LARGE1: variants seen among roughly 807,000 people sequenced by gnomAD.
LARGE1 encodes LARGE xylosyl- and glucuronyltransferase 1, also known as xylosyl- and glucuronyltransferase LARGE1.
Under a neutral mutation model 87.6 loss-of-function variants are expected in LARGE1, and 43 were observed. The observed-to-expected ratio is 0.49, with a 90% CI of 0.38 to 0.63. The LOEUF (loss-of-function observed/expected upper bound fraction) is 0.63, where lower values mean the gene tolerates loss of function less well. Among genes scored for constraint, LARGE1 ranks in the 30% least tolerant of loss-of-function variants. The probability of loss-of-function intolerance (pLI) is 0.00; values close to 1 mark genes in which losing one functional copy is unlikely to be tolerated. For synonymous variants in LARGE1, 434 were observed against 394.6 expected (o/e 1.10, Z -1.18); for missense variants, 802 against 1,000.2 (o/e 0.80, Z 2.67).
intron 10 of LARGE1, among the ~76,000 whole-genome samples, chr22:33,335,685 C>A (rs1338808758): frequency 6.6e-6 from 1 of 152,238 alleles, no homozygotes; most frequent in Non-Finnish European, 1.5e-5. Context: ...CCTAGGCACA[C>A]TGGCCATCCT....
chr22:33,130,313 C>CAAAAAAAAAAAAAAAAA, the LARGE1 span, among the ~76,000 whole-genome samples: 245 of 56,968 alleles, frequency 4.3e-3, 8 homozygotes, highest in South Asian at 0.011. Flanking sequence ...GATTCCGTCT[C>CAAAAAAAAAAAAAAAAA]AAAAAAAAAA....
chr22:33,186,510 G>A (rs914499948), intron 11 of LARGE1, among the ~76,000 whole-genome samples: 4 of 152,002 alleles, frequency 2.6e-5, no homozygotes, highest in Non-Finnish European at 4.4e-5. Flanking sequence ...TGAAAAAAAA[G>A]TCACATGCAA....
chr22:33,250,868 T>C (rs768338499), intron 11 of LARGE1, among the ~76,000 whole-genome samples: 2 of 152,222 alleles, frequency 1.3e-5, no homozygotes, highest in African/African-American at 2.4e-5. Flanking sequence ...GGTGTACAAT[T>C]CTTTTTATGC....
At chr22:33,910,208 C>T (rs965045157) in intron 1 of LARGE1, among the ~76,000 whole-genome samples, 4 of 152,154 alleles carry the variant, frequency 2.6e-5, no homozygotes, top group African/African-American at 7.2e-5. Flanking sequence ...GGACAGGAAG[C>T]TCTGAATTTA....
chr22:33,226,740 T>A (rs1056847169), intron 11 of LARGE1, among the ~76,000 whole-genome samples: 96 of 151,698 alleles, frequency 6.3e-4, no homozygotes, highest in African/African-American at 2.0e-3. Context: ...ATTATTATTT[T>A]TTTTTTTGAG....
intron 3 of LARGE1, among the ~76,000 whole-genome samples, chr22:33,628,087 T>C (rs752349969): frequency 6.6e-6 from 1 of 152,118 alleles, no homozygotes. Flanking sequence ...TCTGCTCTTA[T>C]ACCTGCTCCC....
chr22:33,376,131 T>C (rs2064985683), intron 9 of LARGE1, among the ~76,000 whole-genome samples: 1 of 152,182 alleles, frequency 6.6e-6, no homozygotes. Flanking sequence ...ACTCACTGCA[T>C]GCCCATCAAT....
Position 33,650,402 on chromosome 22 carries a change from C to T in LARGE1, c.373G>A (p.Glu125Lys), listed in dbSNP as rs750745711. ...RAGIVAGNSS[E>K]CGQQPVVEKC... ...TCCACGACCGGCTGCTGCCCACACT[C>T]GGAGCTGTTGCCTGCCACGATGCCA... is the stretch of plus-strand genomic sequence containing the variant. Residue 125 changes from glutamate (E) to lysine (K), a missense_variant, in exon 3 of 15, where the codon GAG (glutamate) becomes AAG (lysine). Glu to Lys is a moderately conservative substitution (Grantham distance 56, BLOSUM62 1). This residue lies in a region of LARGE1 where 625 missense variants were observed against 841.9 expected (regional missense o/e 0.74). Coordinates refer to ENST00000397394, the MANE Select transcript of LARGE1 (RefSeq NM_133642.5). 4 of 1,614,002 alleles carry T rather than the reference C, an allele frequency of 2.5e-6. No homozygotes were observed. Among genetic ancestry groups the T allele is most frequent in the Admixed American group, 1.7e-5 (1 of 60,016 alleles).
chr22:33,909,378 C>T (rs1455923030), intron 1 of LARGE1, among the ~76,000 whole-genome samples: 1 of 152,144 alleles, frequency 6.6e-6, no homozygotes, highest in Non-Finnish European at 1.5e-5. Context: ...TCCCAGCCTC[C>T]ATCTCTCCCC....
chr22:33,257,102 G>A (rs1927331015), intron 11 of LARGE1, among the ~76,000 whole-genome samples: 1 of 152,208 alleles, frequency 6.6e-6, no homozygotes, highest in African/African-American at 2.4e-5. Flanking sequence ...CTACTCTGGA[G>A]GCTGAGGCAG....
chr22:33,201,283 G>C (rs1234986229), intron 11 of LARGE1, among the ~76,000 whole-genome samples: 1 of 151,676 alleles, frequency 6.6e-6, no homozygotes, highest in Non-Finnish European at 1.5e-5. Flanking sequence ...ACTCCAGTCT[G>C]GGCAACAAGA....
the LARGE1 span, among the ~76,000 whole-genome samples, chr22:33,097,588 C>T: frequency 6.6e-6 from 1 of 152,210 alleles, no homozygotes; most frequent in African/African-American, 2.4e-5. Context: ...TTAATAGCCT[C>T]TGAAGACACC....
chr22:33,140,902 C>T, the LARGE1 span, among the ~76,000 whole-genome samples: 1 of 152,102 alleles, frequency 6.6e-6, no homozygotes, highest in African/African-American at 2.4e-5. Flanking sequence ...CCCTATTAGT[C>T]CTGTCCCTCT....
At chr22:33,878,217 A>G (rs2064544787) in intron 1 of LARGE1, among the ~76,000 whole-genome samples, 1 of 125,868 alleles carries the variant, frequency 7.9e-6, no homozygotes, top group East Asian at 2.5e-4. Context: ...GGCTCACTTC[A>G]ACCTCCACCT....
downstream of LARGE1, among the ~76,000 whole-genome samples, chr22:33,268,429 C>CTTTT (rs71320968): frequency 1.5e-5 from 2 of 132,980 alleles, no homozygotes; most frequent in Non-Finnish European, 3.2e-5. Context: ...TGTTAAAAAA[C>CTTTT]TTTTTTTTTT....
intron 6 of LARGE1, among the ~76,000 whole-genome samples, chr22:33,531,360 G>A (rs377164489): frequency 5.3e-5 from 8 of 152,010 alleles, no homozygotes; most frequent in African/African-American, 1.5e-4. Flanking sequence ...GTTTCACCAC[G>A]TTGGCCAGGC....
rs111504936 is a variant in LARGE1, at chr22:33,589,590, C to G, written c.615+14845G>C. Among the ~76,000 whole-genome samples, 463 of 152,158 alleles carry G rather than the reference C, an allele frequency of 3.0e-3. 3 individuals carry two copies. The highest frequency in any genetic ancestry group is 0.011 in the African/African-American group (446 of 41,540). ...ACTTCACAGAATTCTGCTGTGAACT[C>G]CACTTCCCTTCTGCTTTCCTTAGGG... On this transcript the variant is annotated intron_variant, in intron 5 of 14. Coordinates refer to ENST00000397394, the MANE Select transcript of LARGE1 (RefSeq NM_133642.5).
chr22:33,451,852 C>T (rs879205740), intron 6 of LARGE1, among the ~76,000 whole-genome samples: 7 of 141,076 alleles, frequency 5.0e-5, no homozygotes, highest in South Asian at 2.2e-4. Flanking sequence ...CCACCGCCCC[C>T]GGCCGGGAGT....
At chr22:33,761,812 G>A (rs1042303598) in intron 1 of LARGE1, among the ~76,000 whole-genome samples, 4 of 151,824 alleles carry the variant, frequency 2.6e-5, no homozygotes, top group South Asian at 2.1e-4. Context: ...ACATACACAC[G>A]CACAATTTAT....
Sources: gnomAD v4.1 joint callset for allele counts (sites outside exome capture counted in the v4.1 genomes callset) on GRCh38, gnomAD v4.1.1 for gene constraint, gnomAD v4.1.1 regional missense constraint, MANE v1.5 for transcripts, NCBI Gene and HGNC (gene_info 2026-07-23, HGNC 2026-07-21) for gene names.